WASF3: variants seen among roughly 807,000 people sequenced by gnomAD.
The protein encoded by WASF3 is actin-binding protein WASF3.
WASF3 carries 11 observed loss-of-function variants against 46.6 expected under a neutral mutation model. The ratio of observed to expected loss-of-function variants is 0.24; its 90% CI spans 0.15 to 0.39. The LOEUF is 0.39. Ranked by LOEUF, WASF3 falls within the 10% of genes least tolerant of loss-of-function variation. The pLI is 1.00. For missense variants in WASF3, 576 were observed against 669.8 expected, an observed-to-expected ratio of 0.86 and a Z score of 1.55; for synonymous variants, 242 against 259.7, an observed-to-expected ratio of 0.93 and a Z score of 0.65.
chr13:26,588,564 C>T (rs539500782), intron 1 of WASF3, among the ~76,000 whole-genome samples: 1 of 152,260 alleles, frequency 6.6e-6, no homozygotes, highest in South Asian at 2.1e-4. Context: ...CAGTTATCAT[C>T]ACAGATTACA....
chr13:26,634,550 G>T (rs555552719), intron 2 of WASF3, among the ~76,000 whole-genome samples: 2 of 152,254 alleles, frequency 1.3e-5, no homozygotes, highest in Non-Finnish European at 1.5e-5. Flanking sequence ...TGGTTATTTT[G>T]ACTGTTAATT....
At chr13:26,558,282 C>T (rs191037157) in intron 1 of WASF3, among the ~76,000 whole-genome samples, 4 of 152,074 alleles carry the variant, frequency 2.6e-5, no homozygotes, top group African/African-American at 7.2e-5. Flanking sequence ...TGGTCCAGCT[C>T]CGCGTGCCCC....
At chr13:26,639,252 C>G (rs1000976369) in intron 2 of WASF3, among the ~76,000 whole-genome samples, 1 of 152,160 alleles carries the variant, frequency 6.6e-6, no homozygotes, top group Non-Finnish European at 1.5e-5. Flanking sequence ...TCTCTCTTGT[C>G]TTTTGTATTT....
At chr13:26,585,832 C>T (rs1187083828) in intron 1 of WASF3, among the ~76,000 whole-genome samples, 1 of 152,116 alleles carries the variant, frequency 6.6e-6, no homozygotes, top group African/African-American at 2.4e-5. Flanking sequence ...TAATAAAAGC[C>T]CTTGCCTTGC....
intron 1 of WASF3, among the ~76,000 whole-genome samples, chr13:26,601,948 C>T (rs939644795): frequency 2.6e-5 from 4 of 152,180 alleles, no homozygotes; most frequent in Admixed American, 2.0e-4. Flanking sequence ...GCTTGTCTGC[C>T]GACAGGGAGC....
At chr13:26,582,033 T>C (rs1166885077) in intron 1 of WASF3, among the ~76,000 whole-genome samples, 1 of 152,252 alleles carries the variant, frequency 6.6e-6, no homozygotes, top group Non-Finnish European at 1.5e-5. Context: ...TATGGTTCAC[T>C]GTAAGCCAGT....
At chr13:26,574,997 C>T (rs142764973) in intron 1 of WASF3, among the ~76,000 whole-genome samples, 292 of 152,112 alleles carry the variant, frequency 1.9e-3, no homozygotes, top group African/African-American at 6.7e-3. Flanking sequence ...CCACCACGCC[C>T]GGCTAATTTT....
intron 2 of WASF3, among the ~76,000 whole-genome samples, chr13:26,628,672 G>A (rs899383946): frequency 1.3e-5 from 2 of 152,184 alleles, no homozygotes; most frequent in African/African-American, 2.4e-5. Context: ...GGTAACATGA[G>A]TCCAAAGTAC....
chr13:26,638,865 T>C (rs997071316), intron 2 of WASF3: 1 of 152,220 alleles, frequency 6.6e-6, no homozygotes. Flanking sequence ...CCCTATGTGG[T>C]AAGTTCTCAC....
chr13:26,555,241 A>C (rs568090579), upstream of WASF3, among the ~76,000 whole-genome samples: 16 of 152,152 alleles, frequency 1.1e-4, no homozygotes, highest in African/African-American at 3.4e-4. Flanking sequence ...GCTCACTTGA[A>C]AATTGGATTG....
chr13:26,627,675 C>T (rs140447743), intron 2 of WASF3, among the ~76,000 whole-genome samples: 2 of 152,050 alleles, frequency 1.3e-5, no homozygotes, highest in Admixed American at 6.6e-5. Context: ...GTAAAATTAG[C>T]TACCCAAGTT....
chr13:26,646,041 A>G (rs995351357), intron 3 of WASF3, among the ~76,000 whole-genome samples: 3 of 152,232 alleles, frequency 2.0e-5, no homozygotes, highest in African/African-American at 7.2e-5. Flanking sequence ...TTAGAAGTTA[A>G]CCACATTTAT....
the WASF3 span, among the ~76,000 whole-genome samples, chr13:26,551,411 A>G: frequency 6.6e-6 from 1 of 152,194 alleles, no homozygotes; most frequent in East Asian, 1.9e-4. Context: ...TTTAAGTGCT[A>G]TTTAGATTGC....
intron 1 of WASF3, among the ~76,000 whole-genome samples, chr13:26,560,900 G>T (rs563335041): frequency 6.6e-6 from 1 of 152,176 alleles, no homozygotes; most frequent in Non-Finnish European, 1.5e-5. Flanking sequence ...GCTCAGAGGA[G>T]GACCATAAAC....
At chr13:26,651,397 A>G (rs796302946) in intron 3 of WASF3, among the ~76,000 whole-genome samples, 1 of 152,196 alleles carries the variant, frequency 6.6e-6, no homozygotes, top group Non-Finnish European at 1.5e-5. Context: ...AAAAGAAGAA[A>G]GAGGAAAAAT....
At chr13:26,562,622 A>G (rs1343102538) in intron 1 of WASF3, among the ~76,000 whole-genome samples, 1 of 152,044 alleles carries the variant, frequency 6.6e-6, no homozygotes, top group Non-Finnish European at 1.5e-5. Context: ...CAGAGTTTCC[A>G]TTGGAGTTAG....
chr13:26,643,382 C>T (rs559755367), intron 3 of WASF3, among the ~76,000 whole-genome samples: 56 of 152,036 alleles, frequency 3.7e-4, no homozygotes, highest in Non-Finnish European at 6.8e-4. Flanking sequence ...CTTGAAGAAA[C>T]GCTGCAGGTA....
At chr13:26,664,760 C>G (rs973399551) in intron 3 of WASF3, among the ~76,000 whole-genome samples, 17 of 152,224 alleles carry the variant, frequency 1.1e-4, no homozygotes, top group African/African-American at 3.9e-4. Context: ...TAGTGGGAAG[C>G]AACTTGAGCG....
the WASF3 span, among the ~76,000 whole-genome samples, chr13:26,549,618 G>A: frequency 1.2e-4 from 19 of 152,228 alleles, no homozygotes; most frequent in East Asian, 3.5e-3. Flanking sequence ...AACCCTCTGC[G>A]ACTCCAGGCA....
Sources: gnomAD v4.1 joint callset for allele counts (sites outside exome capture counted in the v4.1 genomes callset) on GRCh38, gnomAD v4.1.1 for gene constraint, MANE v1.5 for transcripts, NCBI Gene and HGNC (gene_info 2026-07-23, HGNC 2026-07-21) for gene names.